Variants in KCNIP4 observed in about 807,000 individuals in gnomAD.
KCNIP4 encodes the protein Kv channel-interacting protein 4.
A neutral mutation model predicts 34.0 loss-of-function variants in KCNIP4; 12 were observed. The observed-to-expected ratio is 0.35, with a 90% CI of 0.23 to 0.57. The LOEUF is 0.57. KCNIP4 is among the 20% of genes least tolerant of loss of function. KCNIP4 has a pLI of 0.83. For missense variants in KCNIP4, 238 were observed against 311.7 expected, an observed-to-expected ratio of 0.76 and a Z score of 1.78; for synonymous variants, 124 against 102.2, an observed-to-expected ratio of 1.21 and a Z score of -1.29.
intron 1 of KCNIP4, among the ~76,000 whole-genome samples, chr4:21,376,950 G>T (rs1721016081): frequency 6.6e-6 from 1 of 152,094 alleles, no homozygotes; most frequent in Admixed American, 6.6e-5. Context: ...GAGTAAAGAT[G>T]GAATATCAAA....
At chr4:21,443,936 AG>A (rs1727720600) in intron 1 of KCNIP4, among the ~76,000 whole-genome samples, 1 of 151,612 alleles carries the variant, frequency 6.6e-6, no homozygotes, top group South Asian at 2.1e-4. Context: ...AAAATGATAA[AG>A]GGGATATCAC....
At chr4:21,365,194 A>C (rs1560331849) in intron 1 of KCNIP4, among the ~76,000 whole-genome samples, 1 of 152,082 alleles carries the variant, frequency 6.6e-6, no homozygotes, top group Non-Finnish European at 1.5e-5. Flanking sequence ...ATTATATTGA[A>C]ATCATCAAAG....
intron 1 of KCNIP4, among the ~76,000 whole-genome samples, chr4:21,687,888 GA>G (rs1252113692): frequency 6.6e-6 from 1 of 152,128 alleles, no homozygotes; most frequent in Non-Finnish European, 1.5e-5. Flanking sequence ...TTGAATTTGA[GA>G]GGGGAAAACT....
At chr4:21,319,479 C>T (rs951503619) in intron 1 of KCNIP4, among the ~76,000 whole-genome samples, 3 of 152,220 alleles carry the variant, frequency 2.0e-5, no homozygotes, top group African/African-American at 4.8e-5. Context: ...AGAAACTCTT[C>T]TAATGCTACC....
intron 1 of KCNIP4, among the ~76,000 whole-genome samples, chr4:21,365,853 C>T (rs1438013248): frequency 6.6e-6 from 1 of 152,144 alleles, no homozygotes; most frequent in East Asian, 1.9e-4. Context: ...ATCTGTCTAC[C>T]AAACTCAAGA....
chr4:21,082,145 T>C (rs943825719), intron 1 of KCNIP4, among the ~76,000 whole-genome samples: 5 of 151,800 alleles, frequency 3.3e-5, no homozygotes, highest in African/African-American at 1.2e-4. Flanking sequence ...TTTTAAAATT[T>C]CTCTTTTGTT....
intron 1 of KCNIP4, among the ~76,000 whole-genome samples, chr4:21,365,450 C>A (rs991500529): frequency 1.4e-5 from 2 of 145,692 alleles, no homozygotes; most frequent in Admixed American, 7.2e-5. Context: ...TGCACTCCAG[C>A]CTGGATAACA....
intron 1 of KCNIP4, among the ~76,000 whole-genome samples, chr4:21,094,477 G>A (rs1321983919): frequency 6.6e-6 from 1 of 152,104 alleles, no homozygotes; most frequent in Non-Finnish European, 1.5e-5. Context: ...AGCTCGACTG[G>A]GAGGATAATA....
intron 1 of KCNIP4, among the ~76,000 whole-genome samples, chr4:21,881,239 A>G (rs1326269146): frequency 6.6e-6 from 1 of 152,196 alleles, no homozygotes; most frequent in Non-Finnish European, 1.5e-5. Flanking sequence ...GACATTATTC[A>G]AAGAGAAATT....
intron 1 of KCNIP4, among the ~76,000 whole-genome samples, chr4:20,973,092 G>A (rs1051883947): frequency 8.5e-5 from 13 of 152,264 alleles, no homozygotes; most frequent in South Asian, 8.3e-4. Flanking sequence ...GAGAGTCAGC[G>A]TGTCCTTTGA....
At chr4:21,711,415 T>C (rs1490303298) in intron 1 of KCNIP4, among the ~76,000 whole-genome samples, 3 of 151,916 alleles carry the variant, frequency 2.0e-5, no homozygotes, top group Admixed American at 6.6e-5. Flanking sequence ...GAGGTTGCAG[T>C]GAACTGCAGT....
chr4:20,977,914 C>G (rs929862156), intron 1 of KCNIP4, among the ~76,000 whole-genome samples: 6 of 152,154 alleles, frequency 3.9e-5, no homozygotes, highest in African/African-American at 1.4e-4. Context: ...ACTTTTTCAT[C>G]TTGGATTAGT....
intron 1 of KCNIP4, among the ~76,000 whole-genome samples, chr4:21,827,565 A>G (rs1722746661): frequency 6.6e-6 from 1 of 152,056 alleles, no homozygotes; most frequent in African/African-American, 2.4e-5. Context: ...TACATCCTCA[A>G]GGTCTCTGCC....
chr4:21,250,364 T>C (rs1760615438), intron 1 of KCNIP4, among the ~76,000 whole-genome samples: 1 of 152,194 alleles, frequency 6.6e-6, no homozygotes, highest in Non-Finnish European at 1.5e-5. Context: ...TATTTGTGTA[T>C]TCAGCTCTGA....
chr4:21,812,158 C>T (rs1300916015), intron 1 of KCNIP4, among the ~76,000 whole-genome samples: 1 of 152,130 alleles, frequency 6.6e-6, no homozygotes, highest in African/African-American at 2.4e-5. Context: ...CAAAAAGAGG[C>T]TACTTTATTT....
At chr4:21,008,469 T>A (rs1738756187) in intron 1 of KCNIP4, among the ~76,000 whole-genome samples, 1 of 152,196 alleles carries the variant, frequency 6.6e-6, no homozygotes, top group African/African-American at 2.4e-5. Context: ...TTAATACTTA[T>A]GGATTAGAAT....
At chr4:21,356,323 C>T (rs927645616) in intron 1 of KCNIP4, among the ~76,000 whole-genome samples, 1 of 152,168 alleles carries the variant, frequency 6.6e-6, no homozygotes, top group Non-Finnish European at 1.5e-5. Context: ...GTGGCCAGGG[C>T]AATCAGGCAA....
intron 1 of KCNIP4, among the ~76,000 whole-genome samples, chr4:21,012,213 C>T (rs973814580): frequency 6.6e-6 from 1 of 152,144 alleles, no homozygotes; most frequent in East Asian, 1.9e-4. Context: ...ATAGTAGGTG[C>T]TCAATAAACA....
At chr4:21,586,348 T>C (rs1334547848) in intron 1 of KCNIP4, among the ~76,000 whole-genome samples, 1 of 152,040 alleles carries the variant, frequency 6.6e-6, no homozygotes, top group East Asian at 1.9e-4. Context: ...GCTCAGAATA[T>C]ATGTGTTGAA....
Sources: allele counts gnomAD v4.1 joint callset (sites outside exome capture counted in the v4.1 genomes callset), GRCh38; gene constraint gnomAD v4.1.1; transcripts MANE v1.5; gene names NCBI Gene and HGNC (gene_info 2026-07-23, HGNC 2026-07-21).